The following CCDC171 variants were observed in gnomAD, a reference collection of about 807,000 sequenced individuals.
CCDC171 encodes the protein coiled-coil domain-containing protein 171.
In CCDC171, 177 loss-of-function variants were observed where a neutral mutation model predicts 168.2. That is an observed-to-expected ratio of 1.05 (90% CI 0.93 to 1.19). CCDC171 has a LOEUF of 1.19. Ranked by LOEUF, CCDC171 falls within the 50% of genes most tolerant of loss-of-function variation. The probability of loss-of-function intolerance (pLI) is 0.00; values close to 1 mark genes in which losing one functional copy is unlikely to be tolerated. For synonymous variants in CCDC171, 687 were observed against 540.8 expected (o/e 1.27, Z -3.75); for missense variants, 1,991 against 1,539.0 (o/e 1.29, Z -4.91).
At chr9:15,610,444 TAAAAAAA>T (rs754593075) in intron 6 of CCDC171, among the ~76,000 whole-genome samples, 44 of 12,712 alleles carry the variant, frequency 3.5e-3, no homozygotes, top group South Asian at 4.6e-3. Context: ...CCATCTCAAC[TAAAAAAA>T]AAAAAAAAAA....
At chr9:16,042,448 T>C (rs1833588130), upstream of CCDC171, among the ~76,000 whole-genome samples, 1 of 152,190 alleles carries the variant, frequency 6.6e-6, no homozygotes, top group African/African-American at 2.4e-5. Flanking sequence ...ACTCAATGAT[T>C]GAAGGCGTTT....
intron 6 of CCDC171, among the ~76,000 whole-genome samples, chr9:15,620,148 C>G (rs2132014396): frequency 6.6e-6 from 1 of 152,322 alleles, no homozygotes; most frequent in East Asian, 1.9e-4. Flanking sequence ...AACATCCATT[C>G]TGCAGCACAT....
chr9:15,979,307 A>G (rs988272899), intron 3 of CCDC171, among the ~76,000 whole-genome samples: 3 of 152,182 alleles, frequency 2.0e-5, no homozygotes, highest in Admixed American at 2.0e-4. Context: ...TGTCTCAGCT[A>G]TAATCTTCAG....
chr9:15,911,485 A>G (rs912097154), intron 24 of CCDC171, among the ~76,000 whole-genome samples: 3 of 152,108 alleles, frequency 2.0e-5, no homozygotes, highest in African/African-American at 7.2e-5. Flanking sequence ...ATTTTCTCCT[A>G]TTCTGTAGGT....
chr9:15,657,515 C>T (rs549261490), intron 8 of CCDC171, among the ~76,000 whole-genome samples: 5 of 152,122 alleles, frequency 3.3e-5, no homozygotes, highest in Admixed American at 3.3e-4. Context: ...GAGAACTTAC[C>T]TGGCAGTCTG....
chr9:16,017,218 A>G (rs973702222), intron 3 of CCDC171, among the ~76,000 whole-genome samples: 3 of 152,166 alleles, frequency 2.0e-5, no homozygotes, highest in African/African-American at 7.2e-5. Flanking sequence ...TTTATCCAGA[A>G]AATACTATTT....
At position 15,971,909 on chromosome 9, in the gene CCDC171, C is replaced by G. The variant is rs375087686; in HGVS notation, c.*73C>G. The G allele has an allele frequency of 3.3e-5, 43 of 1,320,750 alleles. No homozygotes were observed. The highest frequency in any genetic ancestry group is 5.8e-5 in the African/African-American group (4 of 68,494). 81.8% of individuals were successfully genotyped at this position (1,320,750 alleles called of 1,614,324 possible). A position where few individuals can be genotyped will look rare whatever the true frequency, so the allele number is the denominator to read the frequency against. ...TTGTTTTGAATGGGAATTTTCTTAT[C>G]AGTTGACTTTTGTTTCAGCAGAAGT... On this transcript the variant is annotated 3_prime_UTR_variant, in exon 26 of 26. Coordinates refer to ENST00000380701, the MANE Select transcript of CCDC171 (RefSeq NM_173550.4).
At chr9:15,566,594 T>C (rs1407129842) in intron 2 of CCDC171, among the ~76,000 whole-genome samples, 2 of 152,210 alleles carry the variant, frequency 1.3e-5, no homozygotes, top group Non-Finnish European at 2.9e-5. Context: ...ATATATGATA[T>C]GCAAACATTT....
chr9:16,082,125 T>C, the CCDC171 span, among the ~76,000 whole-genome samples: 4 of 152,172 alleles, frequency 2.6e-5, no homozygotes, highest in South Asian at 6.2e-4. Flanking sequence ...GGACTGCATA[T>C]ATGACTAAAA....
intron 3 of CCDC171, among the ~76,000 whole-genome samples, chr9:15,983,509 T>TGA (rs760139322): frequency 0.021 from 2,834 of 133,056 alleles, 35 homozygotes; most frequent in Non-Finnish European, 0.026. Context: ...TGTGTGTGTG[T>TGA]GTGAGAGAGA....
chr9:16,031,973 G>A (rs1435589035), intron 6 of CCDC171, among the ~76,000 whole-genome samples: 4 of 152,196 alleles, frequency 2.6e-5, no homozygotes, highest in East Asian at 1.9e-4. Context: ...AGGGGAGCAC[G>A]GCCAGTGCTG....
At chr9:15,950,093 T>G (rs9407696) in intron 25 of CCDC171, among the ~76,000 whole-genome samples, 1 of 151,924 alleles carries the variant, frequency 6.6e-6, no homozygotes, top group South Asian at 2.1e-4. Flanking sequence ...TAAAAAGAAA[T>G]GAGCAAAGCC....
chr9:15,651,179 A>G (rs1229069792), intron 7 of CCDC171, among the ~76,000 whole-genome samples: 1 of 150,382 alleles, frequency 6.6e-6, no homozygotes, highest in Non-Finnish European at 1.5e-5. Context: ...TGCAATCTCC[A>G]CTCACTGCAA....
At chr9:15,736,859 G>A (rs116563914) in intron 16 of CCDC171, among the ~76,000 whole-genome samples, 3 of 152,022 alleles carry the variant, frequency 2.0e-5, no homozygotes, top group African/African-American at 2.4e-5. Flanking sequence ...GTATTTTTTC[G>A]TAGAGATTGG....
At chr9:15,627,483 GT>G (rs1448026905) in intron 7 of CCDC171, among the ~76,000 whole-genome samples, 3 of 151,822 alleles carry the variant, frequency 2.0e-5, no homozygotes. Flanking sequence ...CTACACGCTG[GT>G]TTGAATGTGT....
chr9:15,713,315 AT>A (rs3082816), intron 11 of CCDC171, among the ~76,000 whole-genome samples: 67,830 of 149,518 alleles, frequency 0.45, 15,545 homozygotes, highest in Non-Finnish European at 0.5. Flanking sequence ...AACCAAGCCC[AT>A]TTTTTTTTTT....
intron 18 of CCDC171, among the ~76,000 whole-genome samples, chr9:15,752,606 G>T (rs1161990226): frequency 6.6e-6 from 1 of 152,132 alleles, no homozygotes; most frequent in Non-Finnish European, 1.5e-5. Flanking sequence ...CATGGATGAA[G>T]GTGGAAACCA....
At chr9:15,841,806 C>A (rs1022173884) in intron 21 of CCDC171, among the ~76,000 whole-genome samples, 5 of 151,774 alleles carry the variant, frequency 3.3e-5, no homozygotes, top group African/African-American at 1.2e-4. Flanking sequence ...AACTTGCTTA[C>A]CCGGCCCTAT....
At chr9:15,783,270 A>G (rs1272522804) in intron 20 of CCDC171, among the ~76,000 whole-genome samples, 1 of 152,174 alleles carries the variant, frequency 6.6e-6, no homozygotes, top group Non-Finnish European at 1.5e-5. Context: ...TTGGCCCACG[A>G]GGAAACTGTG....
Sources: allele counts gnomAD v4.1 joint callset (sites outside exome capture counted in the v4.1 genomes callset), GRCh38; gene constraint gnomAD v4.1.1; transcripts MANE v1.5; gene names NCBI Gene and HGNC (gene_info 2026-07-23, HGNC 2026-07-21).